Variants in VPS53 observed in about 807,000 individuals in gnomAD.
The protein encoded by VPS53 is VPS53 subunit of GARP complex, also known as vacuolar protein sorting-associated protein 53 homolog.
VPS53 carries 70 observed loss-of-function variants against 107.0 expected under a neutral mutation model. The observed-to-expected ratio is 0.65, with a 90% confidence interval of 0.54 to 0.80. The LOEUF is 0.80. VPS53 is among the 30% of genes least tolerant of loss of function. The pLI is 0.00. For missense variants in VPS53, 917 were observed against 1,049.4 expected (o/e 0.87, Z 1.74); for synonymous variants, 409 against 393.3 (o/e 1.04, Z -0.47).
At chr17:681,464 A>G (rs1972392653) in intron 4 of VPS53, among the ~76,000 whole-genome samples, 1 of 152,220 alleles carries the variant, frequency 6.6e-6, no homozygotes, top group Non-Finnish European at 1.5e-5. Flanking sequence ...GAAGCGTGGC[A>G]CTGCTGGGGT....
intron 11 of VPS53, among the ~76,000 whole-genome samples, chr17:606,972 T>G (rs780079370): frequency 6.7e-6 from 1 of 149,510 alleles, no homozygotes; most frequent in African/African-American, 2.5e-5. Context: ...GCACACTCTA[T>G]GAGGTTTGCA....
chr17:701,154 T>C (rs865962803), intron 2 of VPS53, among the ~76,000 whole-genome samples: 10 of 151,744 alleles, frequency 6.6e-5, no homozygotes, highest in African/African-American at 2.2e-4. Flanking sequence ...TGAGATCCCA[T>C]CTCTCCAAAA....
intron 6 of VPS53, 107 bp from the exon 7 acceptor site, chr17:653,517 T>C (rs1000843619): frequency 6.6e-7 from 1 of 1,525,074 alleles, no homozygotes; most frequent in Non-Finnish European, 8.9e-7. Flanking sequence ...CTCAGCTGAA[T>C]CAACGTTCGC....
chr17:594,547 T>A (rs1967856192), intron 12 of VPS53, among the ~76,000 whole-genome samples: 1 of 144,968 alleles, frequency 6.9e-6, no homozygotes, highest in Admixed American at 6.9e-5. Flanking sequence ...TGGAGGAAGC[T>A]GGGAGATGGG....
At chr17:558,519 A>AGCTACTCGCGAG (rs1459102963) in intron 15 of VPS53, among the ~76,000 whole-genome samples, 5 of 152,216 alleles carry the variant, frequency 3.3e-5, no homozygotes, top group Non-Finnish European at 7.3e-5. Flanking sequence ...CCGTAGTCCC[A>AGCTACTCGCGAG]GCTACTCGCG....
At chr17:607,616 T>G (rs1968646980) in intron 11 of VPS53, among the ~76,000 whole-genome samples, 1 of 152,214 alleles carries the variant, frequency 6.6e-6, no homozygotes, top group Non-Finnish European at 1.5e-5. Flanking sequence ...TGGGGTTAGA[T>G]TGTCAGTAAC....
At chr17:561,163 T>C (rs1912932903) in intron 14 of VPS53, among the ~76,000 whole-genome samples, 2 of 152,210 alleles carry the variant, frequency 1.3e-5, no homozygotes, top group South Asian at 2.1e-4. Flanking sequence ...GAGGAGGACA[T>C]AAGCGAATGT....
chr17:713,484 C>A (rs1481506097), intron 1 of VPS53, among the ~76,000 whole-genome samples: 1 of 149,408 alleles, frequency 6.7e-6, no homozygotes, highest in African/African-American at 2.5e-5. Context: ...GAAACCCGGT[C>A]TCTACTAAAA....
chr17:568,581 T>C (rs934587207), intron 13 of VPS53, among the ~76,000 whole-genome samples: 1 of 152,230 alleles, frequency 6.6e-6, no homozygotes, highest in African/African-American at 2.4e-5. Flanking sequence ...CTCCCACTAA[T>C]TTGCATCCCT....
intron 7 of VPS53, among the ~76,000 whole-genome samples, chr17:651,764 C>T (rs1970958514): frequency 6.6e-6 from 1 of 152,150 alleles, no homozygotes; most frequent in Admixed American, 6.5e-5. Context: ...TAGAATTTGT[C>T]AATTGTGACG....
At chr17:589,346 A>C (rs900971291) in intron 12 of VPS53, among the ~76,000 whole-genome samples, 2 of 152,108 alleles carry the variant, frequency 1.3e-5, no homozygotes, top group Non-Finnish European at 2.9e-5. Context: ...TTAAAAGCCT[A>C]TATATTATAG....
chr17:611,835 A>G (rs1968891844), intron 11 of VPS53, among the ~76,000 whole-genome samples: 1 of 152,206 alleles, frequency 6.6e-6, no homozygotes, highest in Non-Finnish European at 1.5e-5. Context: ...GTGAATTCAC[A>G]CAGTGAAAAC....
At chr17:589,788 T>C (rs549399504) in intron 12 of VPS53, among the ~76,000 whole-genome samples, 2 of 152,256 alleles carry the variant, frequency 1.3e-5, no homozygotes, top group South Asian at 2.1e-4. Flanking sequence ...AGCCTTGTAG[T>C]ATAGTTTGAA....
At chr17:573,236 G>A (rs1914328008) in intron 13 of VPS53, among the ~76,000 whole-genome samples, 1 of 152,198 alleles carries the variant, frequency 6.6e-6, no homozygotes, top group Non-Finnish European at 1.5e-5. Flanking sequence ...AATTTCTTTT[G>A]CAAGAGTCAG....
At chr17:572,048 G>A (rs966495759) in intron 13 of VPS53, among the ~76,000 whole-genome samples, 37 of 149,996 alleles carry the variant, frequency 2.5e-4, no homozygotes, top group Admixed American at 7.3e-4. Context: ...TGCCCAGTCC[G>A]GAAAGTGAGG....
intron 4 of VPS53, among the ~76,000 whole-genome samples, chr17:664,770 G>A (rs562971247): frequency 1.5e-4 from 23 of 152,310 alleles, no homozygotes; most frequent in African/African-American, 4.6e-4. Context: ...CGGTGCTGAC[G>A]GGAAGACGCC....
In VPS53 at chr17:627,247, TCTC is replaced by T. The variant is rs1269865441; in HGVS notation, c.898_900del (p.Glu300del). 1 of 1,614,056 alleles carries T rather than the reference TCTC, an allele frequency of 6.2e-7. No homozygotes were observed. The highest frequency in any genetic ancestry group is 1.1e-5 in the South Asian group (1 of 91,042). ...TCACGTGGAAACATGCGGCCGTATT[TCTC>T]CTCATAGTCCACAAGCTGGCGTTTT... On this transcript the variant is annotated inframe_deletion, in exon 10 of 22. Transcript: ENST00000437048.
intron 4 of VPS53, among the ~76,000 whole-genome samples, chr17:662,534 A>G (rs2143609604): frequency 6.6e-6 from 1 of 152,010 alleles, no homozygotes; most frequent in South Asian, 2.1e-4. Flanking sequence ...CTAAAAATAC[A>G]AAAAACTAGC....
intron 12 of VPS53, among the ~76,000 whole-genome samples, chr17:599,240 T>C (rs1968197781): frequency 6.6e-6 from 1 of 151,900 alleles, no homozygotes; most frequent in Non-Finnish European, 1.5e-5. Flanking sequence ...CACCACCCTG[T>C]CTGGGAGGTG....
Sources: gnomAD v4.1 joint callset for allele counts (sites outside exome capture counted in the v4.1 genomes callset) on GRCh38, gnomAD v4.1.1 for gene constraint, MANE v1.5 for transcripts, NCBI Gene and HGNC (gene_info 2026-07-23, HGNC 2026-07-21) for gene names.